SPOCK1: variants seen among roughly 807,000 people sequenced by gnomAD.
SPOCK1 encodes the protein SPARC (osteonectin), cwcv and kazal like domains proteoglycan 1.
A neutral mutation model predicts 55.3 loss-of-function variants in SPOCK1; 23 were observed. The observed-to-expected ratio is 0.42, with a 90% CI of 0.30 to 0.59. SPOCK1 has a LOEUF of 0.59. SPOCK1 is among the 20% of genes least tolerant of loss of function. The pLI, the probability that SPOCK1 is intolerant of heterozygous loss-of-function variation, is 0.22. For synonymous variants in SPOCK1, 226 were observed against 221.0 expected (o/e 1.02, Z -0.20); for missense variants, 499 against 552.5 (o/e 0.90, Z 0.97).
intron 3 of SPOCK1, among the ~76,000 whole-genome samples, chr5:137,150,904 A>G (rs11745913): frequency 0.13 from 19,309 of 152,160 alleles, 1,401 homozygotes; most frequent in East Asian, 0.23. Flanking sequence ...GCTTCAGTGG[A>G]GCACTCTGGT....
chr5:137,448,238 G>C lies in SPOCK1; in HGVS notation c.186+50135C>G, dbSNP rs60851543. Reference sequence around the variant, plus strand: ...ACTCCAGCCTGGGTGACAAGAACAAGACTTCATCTCAAAAAAAATTTTTTT... The same window carrying C: ...ACTCCAGCCTGGGTGACAAGAACAACACTTCATCTCAAAAAAAATTTTTTT... On this transcript the variant is annotated intron_variant, in intron 2 of 10. Transcript: ENST00000394945. Among the ~76,000 whole-genome samples, 10 of 152,182 alleles carry C rather than the reference G, an allele frequency of 6.6e-5. No individual in the cohort carries two copies. In the East Asian group the frequency reaches 1.9e-3, roughly 29 times the overall value.
At chr5:137,439,459 C>G (rs1022861809) in intron 2 of SPOCK1, among the ~76,000 whole-genome samples, 10 of 152,122 alleles carry the variant, frequency 6.6e-5, no homozygotes, top group Non-Finnish European at 1.5e-5. Context: ...TTAATAGATT[C>G]CTCCAGAGGT....
At chr5:137,296,432 C>T (rs950099727) in intron 2 of SPOCK1, among the ~76,000 whole-genome samples, 4 of 152,100 alleles carry the variant, frequency 2.6e-5, no homozygotes, top group African/African-American at 9.7e-5. Context: ...CAAGGCTGGG[C>T]GTCCAAGTAA....
chr5:137,032,297 G>A (rs1580716425), intron 6 of SPOCK1, among the ~76,000 whole-genome samples: 2 of 152,130 alleles, frequency 1.3e-5, no homozygotes, highest in East Asian at 3.9e-4. Context: ...GTGGCTTCAT[G>A]AGTTGACAAA....
intron 7 of SPOCK1, 174 bp from the exon 8 acceptor site, chr5:136,988,817 GT>G (rs1750894402): frequency 1.8e-6 from 1 of 548,238 alleles, no homozygotes; most frequent in African/African-American, 1.9e-5. Flanking sequence ...GTGTTTTTTT[GT>G]TTTGTTTTTA....
At chr5:137,472,933 A>C (rs1753764372) in intron 2 of SPOCK1, among the ~76,000 whole-genome samples, 1 of 152,224 alleles carries the variant, frequency 6.6e-6, no homozygotes, top group Admixed American at 6.5e-5. Flanking sequence ...TCCTGCTTGC[A>C]AAAGCCCAAA....
intron 3 of SPOCK1, among the ~76,000 whole-genome samples, chr5:137,249,625 C>T (rs1288276121): frequency 6.6e-6 from 1 of 152,174 alleles, no homozygotes; most frequent in East Asian, 1.9e-4. Flanking sequence ...AAGAGTTTTA[C>T]TTTGCCTTTT....
chr5:137,256,168 G>A (rs1756626398), intron 3 of SPOCK1, among the ~76,000 whole-genome samples: 1 of 152,180 alleles, frequency 6.6e-6, no homozygotes, highest in Admixed American at 6.5e-5. Context: ...TTTTGAGTAT[G>A]AGACTTGTGC....
chr5:137,265,620 C>G (rs963064744), intron 3 of SPOCK1, among the ~76,000 whole-genome samples: 1 of 152,154 alleles, frequency 6.6e-6, no homozygotes, highest in Admixed American at 6.6e-5. Flanking sequence ...TTGAGTGAAT[C>G]ATTGTGATGA....
At chr5:137,132,749 C>T (rs2127046188) in intron 4 of SPOCK1, among the ~76,000 whole-genome samples, 1 of 152,286 alleles carries the variant, frequency 6.6e-6, no homozygotes, top group South Asian at 2.1e-4. Context: ...GCTTTGGGGT[C>T]AATGGAAAAT....
intron 2 of SPOCK1, among the ~76,000 whole-genome samples, chr5:137,331,450 G>A (rs1758181084): frequency 6.6e-6 from 1 of 152,150 alleles, no homozygotes; most frequent in Non-Finnish European, 1.5e-5. Flanking sequence ...CCTGCGCATT[G>A]GGCCATTCTT....
chr5:137,456,567 T>A (rs1408597241), intron 2 of SPOCK1, among the ~76,000 whole-genome samples: 4 of 152,228 alleles, frequency 2.6e-5, no homozygotes, highest in East Asian at 3.9e-4. Context: ...GAATTTTTGA[T>A]GTATTTATTC....
chr5:137,198,017 C>T (rs1755336555), intron 3 of SPOCK1, among the ~76,000 whole-genome samples: 1 of 152,216 alleles, frequency 6.6e-6, no homozygotes, highest in South Asian at 2.1e-4. Flanking sequence ...CCCCTATAGA[C>T]ATAATAGAGT....
chr5:137,384,197 T>C (rs1751546547), intron 2 of SPOCK1, among the ~76,000 whole-genome samples: 1 of 152,244 alleles, frequency 6.6e-6, no homozygotes, highest in African/African-American at 2.4e-5. Context: ...AGGAGGCAGA[T>C]GGGTGCTTGC....
chr5:137,493,900 T>C (rs1754243417), intron 2 of SPOCK1, among the ~76,000 whole-genome samples: 1 of 152,176 alleles, frequency 6.6e-6, no homozygotes, highest in Admixed American at 6.5e-5. Flanking sequence ...TTAGATCAAA[T>C]GAGCAGATCA....
chr5:137,269,818 T>A (rs1020338021), intron 2 of SPOCK1, among the ~76,000 whole-genome samples: 1 of 152,044 alleles, frequency 6.6e-6, no homozygotes, highest in African/African-American at 2.4e-5. Flanking sequence ...TCAAAGGACA[T>A]AAGGATAGTT....
chr5:137,310,684 T>G (rs539381508), intron 2 of SPOCK1, among the ~76,000 whole-genome samples: 22 of 152,318 alleles, frequency 1.4e-4, no homozygotes, highest in African/African-American at 5.3e-4. Flanking sequence ...GGAATCTGCA[T>G]CTGAAAATGA....
intron 2 of SPOCK1, among the ~76,000 whole-genome samples, chr5:137,476,744 G>A (rs1470120893): frequency 5.9e-5 from 9 of 152,114 alleles, no homozygotes; most frequent in Non-Finnish European, 2.9e-5. Context: ...GGCCAATATG[G>A]TGAAACACCA....
At chr5:137,440,111 C>T (rs1050425035) in intron 2 of SPOCK1, among the ~76,000 whole-genome samples, 1 of 151,890 alleles carries the variant, frequency 6.6e-6, no homozygotes, top group African/African-American at 2.4e-5. Context: ...AAATGATTAC[C>T]ATGAATATCT....
Sources: allele counts gnomAD v4.1 joint callset (sites outside exome capture counted in the v4.1 genomes callset), GRCh38; gene constraint gnomAD v4.1.1; transcripts MANE v1.5; gene names NCBI Gene and HGNC (gene_info 2026-07-23, HGNC 2026-07-21).